The following LCN8 variants were observed in gnomAD, a reference collection of about 807,000 sequenced individuals.
The protein encoded by LCN8 is lipocalin 8, also known as epididymal-specific lipocalin-8.
Under a neutral mutation model 22.8 loss-of-function variants are expected in LCN8, and 16 were observed. That is an observed-to-expected ratio of 0.70 (90% CI 0.47 to 1.06). LCN8 has a LOEUF of 1.06. Ranked by LOEUF, LCN8 falls within the 50% of genes least tolerant of loss-of-function variation. The probability of loss-of-function intolerance (pLI) is 0.00; values close to 1 mark genes in which losing one functional copy is unlikely to be tolerated. For missense variants in LCN8, 189 were observed against 203.3 expected, an observed-to-expected ratio of 0.93 and a Z score of 0.43; for synonymous variants, 92 against 83.4, an observed-to-expected ratio of 1.10 and a Z score of -0.56.
chr9:136,755,267 C>A lies in LCN8; in HGVS notation c.398G>T (p.Gly133Val). ...WKFRELTADT[G>V]LYLAARPGRC... ...ACCAGGCCGGGCCGCCAGGTAGAGA[C>A]CAGTGTCTGCTGTCAGCTCCCGAAA... The change falls in exon 5 of 7, where the codon GGT (glycine) becomes GTT (valine). Residue 133 changes from glycine to valine, a missense_variant. By Grantham distance (109) the Gly-to-Val change is moderately radical. Transcript: ENST00000371688. 6.2e-7 allele frequency: 1 copy of A among 1,612,390 alleles called. No individual in the cohort carries two copies. The highest frequency in any genetic ancestry group is 8.5e-7 in the Non-Finnish European group (1 of 1,179,986).
rs1367848816 is a variant in LCN8 at position 136,758,055 on chromosome 9, G to T, written c.-125C>A. The T allele has an allele frequency of 2.0e-6, 3 of 1,537,874 alleles. No individual in the cohort carries two copies. The highest frequency in any genetic ancestry group is 2.6e-6 in the Non-Finnish European group (3 of 1,143,866). On this transcript the variant is annotated 5_prime_UTR_variant, in exon 1 of 7. Transcript: ENST00000371688. ...GCACAGCCTGGGCCGATTCTATACG[G>T]ACAGTGCAGGCTTGTGCGCCCACCC...
chr9:136,755,608 C>A (rs2784068), intron 3 of LCN8, 92 bp from the exon 4 acceptor site: 1,007,390 of 1,531,956 alleles, frequency 0.66, 336,200 homozygotes, highest in East Asian at 0.73. Context: ...ATCCTGCCCC[C>A]ACCCAGTCCC....
intron 6 of LCN8, chr9:136,754,789 T>G: frequency 7.3e-7 from 1 of 1,366,980 alleles, no homozygotes; most frequent in Non-Finnish European, 9.4e-7. Flanking sequence ...CGACGGGACC[T>G]TCGGGGGCAG....
At position 136,755,429 on chromosome 9, in the gene LCN8, C is replaced by A. The variant is rs138766179; in HGVS notation, c.314G>T (p.Arg105Leu). ...AAGCTTACTAAAGTACTTGAGGACG[C>A]GAAAGTTCCTGCCCCGCCACATCAG... The part of the protein sequence containing the change: ...VSLMWRGRNF[R>L]VLKYFTRSLE... Residue 105 changes from arginine (R) to leucine (L), a missense_variant, in exon 4 of 7, where the codon CGC becomes CTC. Transcript: ENST00000371688. 1 of 1,611,502 alleles carries A rather than the reference C, an allele frequency of 6.2e-7. No homozygotes were observed. Among genetic ancestry groups the A allele is most frequent in the Admixed American group, 1.7e-5 (1 of 59,992 alleles).
intron 6 of LCN8, 36 bp from the exon 7 acceptor site, chr9:136,754,545 G>C (rs1345315857): frequency 6.5e-7 from 1 of 1,548,362 alleles, no homozygotes; most frequent in Non-Finnish European, 8.7e-7. Flanking sequence ...AGGCCCGTGT[G>C]GTCTCTGGAG....
chr9:136,757,869 T>TGTAGGA, intron 1 of LCN8, 38 bp downstream of exon 1: 1 of 1,613,264 alleles, frequency 6.2e-7, no homozygotes, highest in Non-Finnish European at 8.5e-7. Context: ...GGGTTGGGGG[T>TGTAGGA]GTAGGAGGAG....
rs750775025 is a variant in LCN8 at position 136,755,247 on chromosome 9, G to A, written c.418C>T (p.Pro140Ser). Residue 140 changes from proline (P) to serine (S), a missense_variant, in exon 5 of 7, where the codon CCT (proline) becomes TCT (serine). Transcript: ENST00000371688. ...ADTGLYLAAR[P>S]GRCAELLKEE... Reference sequence around the variant, plus strand: ...ACCCCAAGGCCCCTGGGCTCACCAGGCCGGGCCGCCAGGTAGAGACCAGTG... The same window carrying A: ...ACCCCAAGGCCCCTGGGCTCACCAGACCGGGCCGCCAGGTAGAGACCAGTG... 5 of 1,612,658 alleles carry A rather than the reference G, an allele frequency of 3.1e-6. No homozygotes were observed. Among genetic ancestry groups the A allele is most frequent in the Non-Finnish European group, 2.5e-6 (3 of 1,179,938 alleles).
chr9:136,757,188 G>A lies in LCN8; in HGVS notation c.25-20C>T. On this transcript the variant is annotated intron_variant, in intron 1 of 6. Transcript: ENST00000371688. ...TCCAATCTAGAGAGATACGGAGCCT[G>A]GCCAAGAGCTGAGCAGTGGGTCTGA... 1.2e-6 allele frequency: 2 copies of A among 1,607,746 alleles called. No individual in the cohort carries two copies. Among genetic ancestry groups the A allele is most frequent in the East Asian group, 2.2e-5 (1 of 44,580 alleles).
Position 136,755,460 on chromosome 9 carries a change from C to T in LCN8, c.283G>A (p.Val95Met), listed in dbSNP as rs1847162250. 13 of 1,613,274 alleles carry T rather than the reference C, an allele frequency of 8.1e-6. No homozygotes were observed. The highest frequency in any genetic ancestry group is 5.0e-5 in the Admixed American group (3 of 60,006). The stretch of plus-strand genomic sequence containing the variant: ...TTCCTGCCCCGCCACATCAGGGACA[C>T]CCGCAGGATGGCGTAGCCCTCGTAG... ...TDYEGYAILR[V>M]SLMWRGRNFR... is the part of the protein sequence containing the mutation. The change falls in exon 4 of 7, where the codon GTG (valine) becomes ATG (methionine). Residue 95 changes from valine to methionine, a missense_variant. By Grantham distance (21) the Val-to-Met change is conservative. Coordinates refer to ENST00000371688, the MANE Select transcript of LCN8 (RefSeq NM_178469.4).
intron 3 of LCN8, 162 bp from the exon 4 acceptor site, chr9:136,755,678 G>T: frequency 5.9e-6 from 9 of 1,530,930 alleles, no homozygotes; most frequent in Non-Finnish European, 7.0e-6. Flanking sequence ...GTGTGTTGGT[G>T]GGAGAATGGG....
At position 136,757,318 on chromosome 9, in the gene LCN8, A is replaced by G. The variant is rs1847232502; in HGVS notation, c.25-150T>C. 3 of 1,460,316 alleles carry G rather than the reference A, an allele frequency of 2.1e-6. No individual in the cohort carries two copies. In the South Asian group the frequency reaches 4.2e-5, roughly 21 times the overall value. The allele number at this position is 1,460,316 out of a possible 1,614,324, so 90.5% of individuals were successfully genotyped here. A position where few individuals can be genotyped will look rare whatever the true frequency, so the allele number is the denominator to read the frequency against. ...GTGGCAAAGCAGCAAGACATCTGTG[A>G]GCCCACTGTCCCCAGGCATGTGTCC... On this transcript the variant is annotated intron_variant, in intron 1 of 6. Transcript: ENST00000371688.
intron 1 of LCN8, chr9:136,757,460 C>T: frequency 2.9e-6 from 4 of 1,362,932 alleles, no homozygotes; most frequent in Non-Finnish European, 3.8e-6. Context: ...TCGGGAGGAA[C>T]CACAGGCCCT....
In LCN8 at chr9:136,754,758, G is replaced by A. The variant is rs562849455; in HGVS notation, c.448-249C>T. 374 of 1,384,664 alleles carry A rather than the reference G, an allele frequency of 2.7e-4. 1 individual carries two copies. Among genetic ancestry groups the A allele is most frequent in the Non-Finnish European group, 3.2e-4 (339 of 1,073,072 alleles). 85.8% of individuals were successfully genotyped at this position (1,384,664 alleles called of 1,614,324 possible). The stretch of plus-strand genomic sequence containing the variant: ...ACATGGGAGCCCTGAGGCAGCGCCC[G>A]CAGGATCTGTGCCCCGCCGCCGACG... On this transcript the variant is annotated intron_variant, in intron 6 of 6. Coordinates refer to ENST00000371688, the MANE Select transcript of LCN8 (RefSeq NM_178469.4).
chr9:136,755,240 T>C lies in LCN8; in HGVS notation c.421+4A>G, dbSNP rs751839736. 3.7e-6 allele frequency: 6 copies of C among 1,612,518 alleles called. No individual in the cohort carries two copies. The highest frequency in any genetic ancestry group is 1.6e-4 in the Middle Eastern group (1 of 6,082). On this transcript the variant is annotated splice_donor_region_variant and intron_variant, in intron 5 of 6. Transcript: ENST00000371688. ...AGCCTCCACCCCAAGGCCCCTGGGC[T>C]CACCAGGCCGGGCCGCCAGGTAGAG... is the stretch of plus-strand genomic sequence containing the variant.
At chr9:136,756,241 G>C (rs557003136) in intron 3 of LCN8, 1 of 1,338,156 alleles carries the variant, frequency 7.5e-7, no homozygotes, top group South Asian at 1.3e-5. Flanking sequence ...ACAGTGCAGG[G>C]AACGCATGGG....
Position 136,757,839 on chromosome 9 carries a change from C to T in LCN8, c.24+68G>A, listed in dbSNP as rs538334656. On this transcript the variant is annotated intron_variant, in intron 1 of 6. Coordinates refer to ENST00000371688, the MANE Select transcript of LCN8 (RefSeq NM_178469.4). ...CACGAGCTCCCCACACCGGGAGAGG[C>T]CTCCTTCCCTGAGCCTGAGGGGTTG... is the stretch of plus-strand genomic sequence containing the variant. The T allele has an allele frequency of 2.5e-5, 41 of 1,612,724 alleles. No homozygotes were observed. The East Asian group carries it at 8.5e-4, about 33-fold the overall frequency.
intron 1 of LCN8, chr9:136,757,463 C>A: frequency 7.4e-7 from 1 of 1,359,256 alleles, no homozygotes; most frequent in Non-Finnish European, 9.5e-7. Context: ...GGAGGAACCA[C>A]AGGCCCTGCC....
chr9:136,757,699 C>G, intron 1 of LCN8: 7 of 985,474 alleles, frequency 7.1e-6, no homozygotes, highest in Non-Finnish European at 8.4e-6. Context: ...ATCTTCGTCT[C>G]CGGCATCTAC....
chr9:136,754,832 G>T (rs1354864444), intron 6 of LCN8: 2 of 1,349,700 alleles, frequency 1.5e-6, no homozygotes, highest in African/African-American at 3.0e-5. Context: ...GAACACCGAA[G>T]AAAAGGCGCC....
Sources: allele counts gnomAD v4.1 joint callset, GRCh38; gene constraint gnomAD v4.1.1; transcripts MANE v1.5; gene names NCBI Gene and HGNC (gene_info 2026-07-23, HGNC 2026-07-21).